MYZAP: variants seen among roughly 807,000 people sequenced by gnomAD.
MYZAP encodes myocardial zonula adherens protein, also known as GRINL1A complex locus upstream.
In MYZAP, 66 loss-of-function variants were observed where a neutral mutation model predicts 69.4. The ratio of observed to expected loss-of-function variants is 0.95; its 90% CI spans 0.78 to 1.17. MYZAP has a LOEUF of 1.17. MYZAP is among the 50% of genes most tolerant of loss of function. The pLI is 0.00. For synonymous variants in MYZAP, 256 were observed against 205.9 expected (o/e 1.24, Z -2.09); for missense variants, 611 against 556.2 (o/e 1.10, Z -0.99).
intron 8 of MYZAP, among the ~76,000 whole-genome samples, chr15:57,634,567 C>G (rs1292545600): frequency 6.6e-6 from 1 of 152,200 alleles, no homozygotes; most frequent in African/African-American, 2.4e-5. Context: ...AGCAAGGTCA[C>G]TGTCAGGCTT....
chr15:57,630,962 T>G (rs866124546), intron 6 of MYZAP, among the ~76,000 whole-genome samples: 2 of 152,260 alleles, frequency 1.3e-5, no homozygotes, highest in Non-Finnish European at 2.9e-5. Context: ...GAAGAGGGGC[T>G]GCCGGTCCAC....
intron 12 of MYZAP, among the ~76,000 whole-genome samples, chr15:57,681,303 T>C (rs1005376665): frequency 1.3e-5 from 2 of 152,228 alleles, no homozygotes; most frequent in Non-Finnish European, 2.9e-5. Flanking sequence ...CAGGTGACAC[T>C]GGGACCACTT....
intron 1 of MYZAP, among the ~76,000 whole-genome samples, chr15:57,594,788 A>G (rs2033947185): frequency 6.6e-6 from 1 of 152,220 alleles, no homozygotes; most frequent in Non-Finnish European, 1.5e-5. Flanking sequence ...CAAAATACCT[A>G]TTGTTTAGAA....
intron 2 of MYZAP, among the ~76,000 whole-genome samples, chr15:57,610,865 C>A (rs1046770113): frequency 1.3e-5 from 2 of 152,062 alleles, no homozygotes; most frequent in Non-Finnish European, 2.9e-5. Context: ...TTTTTCTAAC[C>A]TTCTGAGACT....
chr15:57,651,896 C>A (rs1477034131), intron 10 of MYZAP, among the ~76,000 whole-genome samples: 4 of 152,152 alleles, frequency 2.6e-5, no homozygotes, highest in African/African-American at 9.7e-5. Flanking sequence ...GAGTGCTCCT[C>A]CTCTCCTTCT....
intron 4 of MYZAP, among the ~76,000 whole-genome samples, chr15:57,622,942 C>T (rs2035906320): frequency 6.6e-6 from 1 of 152,100 alleles, no homozygotes; most frequent in South Asian, 2.1e-4. Context: ...TCGTATCACA[C>T]ATAATAGGCT....
chr15:57,595,066 G>T (rs2033966430), intron 1 of MYZAP, among the ~76,000 whole-genome samples: 1 of 152,172 alleles, frequency 6.6e-6, no homozygotes, highest in Non-Finnish European at 1.5e-5. Context: ...AGCTGACACT[G>T]AGCAGGGACT....
chr15:57,606,731 TAATAA>T (rs765460109), intron 2 of MYZAP, among the ~76,000 whole-genome samples: 26 of 152,084 alleles, frequency 1.7e-4, no homozygotes, highest in South Asian at 8.3e-4. Flanking sequence ...AGTATAATAA[TAATAA>T]AATAAAATAA....
intron 9 of MYZAP, among the ~76,000 whole-genome samples, chr15:57,638,674 T>C (rs1567221701): frequency 6.6e-6 from 1 of 152,200 alleles, no homozygotes; most frequent in Non-Finnish European, 1.5e-5. Flanking sequence ...ATTGTGCTGT[T>C]GTAAAACAAA....
chr15:57,607,928 C>T (rs183825204), intron 2 of MYZAP, among the ~76,000 whole-genome samples: 5 of 152,272 alleles, frequency 3.3e-5, no homozygotes, highest in Admixed American at 2.6e-4. Context: ...GGGCCACTTC[C>T]TTGGATGTGG....
At position 57,625,014 on chromosome 15, in the gene MYZAP, C is replaced by T. The variant is rs562530364; in HGVS notation, c.412-765C>T. On this transcript the variant is annotated intron_variant, in intron 4 of 12. Coordinates refer to ENST00000267853, the MANE Select transcript of MYZAP (RefSeq NM_001018100.5). ...ACTCAGACATGTTAAACACACACAC[C>T]CAACAAAGACAGCAGCAACAACAGC... is the stretch of plus-strand genomic sequence containing the variant. Among the ~76,000 whole-genome samples the T allele has an allele frequency of 3.3e-5, 5 of 152,180 alleles. No individual in the cohort carries two copies. The East Asian group carries it at 9.7e-4, about 29-fold the overall frequency.
chr15:57,608,721 C>T (rs1313469308), intron 2 of MYZAP, among the ~76,000 whole-genome samples: 1 of 152,176 alleles, frequency 6.6e-6, no homozygotes, highest in Non-Finnish European at 1.5e-5. Flanking sequence ...GAATCTCTTC[C>T]CTTTGAATGC....
intron 10 of MYZAP, among the ~76,000 whole-genome samples, chr15:57,644,053 A>C (rs914405267): frequency 6.6e-6 from 1 of 152,216 alleles, no homozygotes; most frequent in African/African-American, 2.4e-5. Flanking sequence ...GCTTTAAGAC[A>C]TGCCTGAACC....
At chr15:57,671,462 T>C (rs367649071) in intron 11 of MYZAP, among the ~76,000 whole-genome samples, 88 of 152,272 alleles carry the variant, frequency 5.8e-4, no homozygotes, top group African/African-American at 1.9e-3. Context: ...TATTATGTTT[T>C]ACAGTAATTT....
rs537647570 is a variant in MYZAP at position 57,609,049 on chromosome 15, C to T, written c.162+4694C>T. Among the ~76,000 whole-genome samples, 15 of 152,304 alleles carry T rather than the reference C, an allele frequency of 9.8e-5. No homozygotes were observed. In the East Asian group the frequency reaches 1.7e-3, roughly 18 times the overall value. On this transcript the variant is annotated intron_variant, in intron 2 of 12. Coordinates refer to ENST00000267853, the MANE Select transcript of MYZAP (RefSeq NM_001018100.5). The stretch of plus-strand genomic sequence containing the variant: ...GCCCCTTTCACTTGGCACCTAGCCA[C>T]GTGCTGCTAAGAACTCCACATAGGT...
intron 11 of MYZAP, among the ~76,000 whole-genome samples, chr15:57,671,122 A>G (rs892874032): frequency 4.6e-5 from 7 of 152,140 alleles, no homozygotes; most frequent in African/African-American, 1.7e-4. Context: ...AGTGCAGGCC[A>G]GGTGGTAAAA....
chr15:57,652,094 A>G (rs1205342485), intron 10 of MYZAP, among the ~76,000 whole-genome samples: 2 of 152,202 alleles, frequency 1.3e-5, no homozygotes, highest in East Asian at 3.9e-4. Flanking sequence ...TGAATGCCAC[A>G]AGACACATTA....
At chr15:57,640,583 C>G (rs2037090678) in intron 10 of MYZAP, among the ~76,000 whole-genome samples, 1 of 151,964 alleles carries the variant, frequency 6.6e-6, no homozygotes, top group African/African-American at 2.4e-5. Flanking sequence ...ACATGACAGA[C>G]AAATGGAAGA....
At chr15:57,592,752 T>C (rs2033762479) in intron 1 of MYZAP, among the ~76,000 whole-genome samples, 2 of 152,246 alleles carry the variant, frequency 1.3e-5, no homozygotes, top group African/African-American at 4.8e-5. Flanking sequence ...TGTTTCTTTT[T>C]GATCTTTGTG....
Sources: gnomAD v4.1 joint callset for allele counts (sites outside exome capture counted in the v4.1 genomes callset) on GRCh38, gnomAD v4.1.1 for gene constraint, MANE v1.5 for transcripts, NCBI Gene and HGNC (gene_info 2026-07-23, HGNC 2026-07-21) for gene names.